Variants in GARIN1B observed in about 807,000 individuals in gnomAD.
The protein encoded by GARIN1B is Golgi-associated RAB2 interactor protein 1B.
chr7:128,714,565 G>C, the GARIN1B span, among the ~76,000 whole-genome samples: 3 of 138,838 alleles, frequency 2.2e-5, no homozygotes, highest in Non-Finnish European at 1.5e-5. Context: ...AGCAACAAGA[G>C]CGAGACTCCA....
chr7:128,712,696 G>A, the GARIN1B span, among the ~76,000 whole-genome samples: 10 of 152,222 alleles, frequency 6.6e-5, no homozygotes, highest in Non-Finnish European at 8.8e-5. Flanking sequence ...ATCACTAAAA[G>A]TGCAAACAGT....
At chr7:128,712,168 CA>C in the GARIN1B span, among the ~76,000 whole-genome samples, 5 of 152,308 alleles carry the variant, frequency 3.3e-5, no homozygotes, top group South Asian at 8.3e-4. Flanking sequence ...AGACTTACCA[CA>C]AAGATAATAA....
At chr7:128,729,958 G>C in the GARIN1B span, 107 of 1,614,168 alleles carry the variant, frequency 6.6e-5, 1 homozygote, top group South Asian at 9.4e-4. Flanking sequence ...ACGTTGGAGG[G>C]CTTCATTCAC....
At chr7:128,709,959 G>A in the GARIN1B span, among the ~76,000 whole-genome samples, 202 of 151,702 alleles carry the variant, frequency 1.3e-3, 1 homozygote, top group African/African-American at 4.7e-3. Flanking sequence ...CACCATGTTG[G>A]CCAGGCTGGT....
the GARIN1B span, among the ~76,000 whole-genome samples, chr7:128,727,656 A>G: frequency 6.6e-6 from 1 of 152,058 alleles, no homozygotes; most frequent in African/African-American, 2.4e-5. Context: ...TCTTCCTCTA[A>G]TAGCAGCCCT....
the GARIN1B span, among the ~76,000 whole-genome samples, chr7:128,709,750 C>CTT: frequency 4.6e-4 from 53 of 114,600 alleles, no homozygotes; most frequent in African/African-American, 5.2e-4. Context: ...CTCTCTCTCT[C>CTT]TTTTTTTTTT....
the GARIN1B span, chr7:128,715,576 G>T: frequency 1.2e-6 from 2 of 1,614,044 alleles, no homozygotes; most frequent in African/African-American, 2.7e-5. Flanking sequence ...TGGATGGAGA[G>T]CCGAACCCTG....
the GARIN1B span, among the ~76,000 whole-genome samples, chr7:128,711,772 G>A: frequency 6.6e-6 from 1 of 152,118 alleles, no homozygotes; most frequent in Non-Finnish European, 1.5e-5. Context: ...TGGCCGTGGT[G>A]GCTCATGCCT....
the GARIN1B span, chr7:128,724,940 A>C: frequency 8.7e-7 from 1 of 1,146,638 alleles, no homozygotes; most frequent in Admixed American, 3.3e-5. Flanking sequence ...AGCATATCGA[A>C]ACCTGGGGGC....
At chr7:128,714,187 AG>A in the GARIN1B span, 1 of 1,500,526 alleles carries the variant, frequency 6.7e-7, no homozygotes, top group African/African-American at 1.4e-5. Context: ...GAAATACAAA[AG>A]TCAGCCTCCA....
chr7:128,730,517 G>A, the GARIN1B span, among the ~76,000 whole-genome samples: 5 of 152,096 alleles, frequency 3.3e-5, no homozygotes, highest in African/African-American at 4.8e-5. Context: ...AGGCCCATTC[G>A]TCCATCCACA....
At chr7:128,709,753 T>C in the GARIN1B span, among the ~76,000 whole-genome samples, 53 of 85,942 alleles carry the variant, frequency 6.2e-4, no homozygotes, top group East Asian at 5.0e-3. Context: ...TCTCTCTCTT[T>C]TTTTTTTTTT....
the GARIN1B span, among the ~76,000 whole-genome samples, chr7:128,720,658 T>C: frequency 1.3e-5 from 2 of 152,222 alleles, no homozygotes; most frequent in Non-Finnish European, 1.5e-5. Context: ...GAGGTAATGA[T>C]CTAAGTACTT....
the GARIN1B span, chr7:128,714,136 A>G: frequency 1.6e-5 from 25 of 1,535,874 alleles, no homozygotes; most frequent in Non-Finnish European, 1.9e-5. Context: ...TTGGATGGTG[A>G]GAGCCTCCAG....
chr7:128,710,765 A>G, the GARIN1B span, among the ~76,000 whole-genome samples: 1 of 149,934 alleles, frequency 6.7e-6, no homozygotes. Flanking sequence ...GCTCACCGCA[A>G]CCTCCGCCTC....
At chr7:128,717,867 G>T in the GARIN1B span, among the ~76,000 whole-genome samples, 5 of 151,738 alleles carry the variant, frequency 3.3e-5, no homozygotes, top group Admixed American at 6.6e-5. Flanking sequence ...AAATTTTGGG[G>T]CCTCTTTAAA....
the GARIN1B span, chr7:128,731,193 G>A: frequency 1.6e-4 from 212 of 1,320,084 alleles, 1 homozygote; most frequent in Admixed American, 1.2e-3. Context: ...AGGGATTATC[G>A]GGATGGAGAG....
At chr7:128,729,786 G>T in the GARIN1B span, 9 of 1,100,020 alleles carry the variant, frequency 8.2e-6, no homozygotes, top group Non-Finnish European at 1.2e-5. Context: ...ATGAATGCAC[G>T]TAATTGTTTG....
the GARIN1B span, among the ~76,000 whole-genome samples, chr7:128,728,950 A>G: frequency 1.3e-5 from 2 of 152,244 alleles, no homozygotes; most frequent in Admixed American, 6.5e-5. Flanking sequence ...ACACATATGT[A>G]TAAACATACA....
Sources: allele counts gnomAD v4.1 joint callset (sites outside exome capture counted in the v4.1 genomes callset), GRCh38; gene constraint gnomAD v4.1.1; transcripts MANE v1.5; gene names NCBI Gene and HGNC (gene_info 2026-07-23, HGNC 2026-07-21).